PXDNL: variants seen among roughly 807,000 people sequenced by gnomAD.
PXDNL encodes peroxidasin like.
A neutral mutation model predicts 150.8 loss-of-function variants in PXDNL; 145 were observed. That is an observed-to-expected ratio of 0.96 (90% CI 0.84 to 1.10). PXDNL has a LOEUF of 1.10. PXDNL is among the 50% of genes least tolerant of loss of function. The pLI is 0.00. For synonymous variants in PXDNL, 757 were observed against 725.7 expected (o/e 1.04, Z -0.69); for missense variants, 2,087 against 1,873.9 (o/e 1.11, Z -2.10).
chr8:51,480,234 C>T (rs549265906), intron 6 of PXDNL, among the ~76,000 whole-genome samples: 55 of 152,082 alleles, frequency 3.6e-4, no homozygotes, highest in Non-Finnish European at 6.5e-4. Context: ...TCTTGCATTG[C>T]CATAAAGAAA....
At chr8:51,750,431 A>T (rs2037032174) in intron 1 of PXDNL, among the ~76,000 whole-genome samples, 1 of 152,202 alleles carries the variant, frequency 6.6e-6, no homozygotes, top group Non-Finnish European at 1.5e-5. Flanking sequence ...CATTTATACC[A>T]ACATCACCAC....
intron 1 of PXDNL, among the ~76,000 whole-genome samples, chr8:51,692,566 G>T (rs1218471219): frequency 2.0e-5 from 3 of 152,182 alleles, no homozygotes; most frequent in East Asian, 1.9e-4. Flanking sequence ...GAAATGAGAG[G>T]TTATGGGTGG....
chr8:51,411,277 C>T lies in PXDNL; in HGVS notation c.2035G>A (p.Gly679Arg), dbSNP rs1586084513. The change falls in exon 16 of 23, where the codon GGG (glycine) becomes AGG (arginine). Residue 679 changes from glycine (G) to arginine (R), a missense_variant. Coordinates refer to ENST00000356297, the MANE Select transcript of PXDNL (RefSeq NM_144651.5). ...LQLIRERVKQ[G>R]LTVDLEGKEF... The stretch of plus-strand genomic sequence containing the variant: ...TTGCCTTCCAAGTCCACAGTGAGCC[C>T]CTGCTTCACACGTTCCCGTATCAGC... 6.6e-7 allele frequency: 1 copy of T among 1,520,126 alleles called. No individual in the cohort carries two copies. The highest frequency in any genetic ancestry group is 8.8e-7 in the Non-Finnish European group (1 of 1,136,816). 94.2% of individuals were successfully genotyped at this position (1,520,126 alleles called of 1,614,324 possible). A position where few individuals can be genotyped will look rare whatever the true frequency, so the allele number is the denominator to read the frequency against.
chr8:51,364,733 C>T (rs1013750579), intron 19 of PXDNL, among the ~76,000 whole-genome samples: 3 of 152,128 alleles, frequency 2.0e-5, no homozygotes, highest in Admixed American at 6.5e-5. Flanking sequence ...TCTTAACCTA[C>T]ATCATAGGTT....
chr8:51,378,517 G>C (rs1010610496), intron 17 of PXDNL, among the ~76,000 whole-genome samples: 3 of 152,210 alleles, frequency 2.0e-5, no homozygotes, highest in African/African-American at 7.2e-5. Flanking sequence ...GGCCAGAAAA[G>C]GGTGAAAAAG....
At chr8:51,629,998 G>A (rs1292836838) in intron 2 of PXDNL, among the ~76,000 whole-genome samples, 1 of 151,554 alleles carries the variant, frequency 6.6e-6, no homozygotes, top group African/African-American at 2.4e-5. Context: ...GAAGCAAAAA[G>A]AATAAAACTG....
At chr8:51,604,144 A>T (rs564548418) in intron 2 of PXDNL, among the ~76,000 whole-genome samples, 2 of 152,340 alleles carry the variant, frequency 1.3e-5, no homozygotes, top group Non-Finnish European at 2.9e-5. Context: ...CCATCCCATT[A>T]CTGGGTATAT....
At chr8:51,699,423 G>A (rs1305707988) in intron 1 of PXDNL, among the ~76,000 whole-genome samples, 1 of 152,186 alleles carries the variant, frequency 6.6e-6, no homozygotes, top group Non-Finnish European at 1.5e-5. Flanking sequence ...AAGAGAGAGG[G>A]TGTGGGCCTT....
intron 1 of PXDNL, among the ~76,000 whole-genome samples, chr8:51,747,812 TAA>T (rs1322820455): frequency 6.6e-6 from 1 of 152,160 alleles, no homozygotes; most frequent in East Asian, 1.9e-4. Flanking sequence ...ATTGAAGCAA[TAA>T]AAGATTTGTT....
At chr8:51,583,288 G>A (rs911076973) in intron 3 of PXDNL, among the ~76,000 whole-genome samples, 4 of 152,094 alleles carry the variant, frequency 2.6e-5, no homozygotes, top group African/African-American at 7.2e-5. Flanking sequence ...AGGGCTACAG[G>A]AAGCTGACCA....
At chr8:51,354,910 C>T (rs1222594980) in intron 19 of PXDNL, among the ~76,000 whole-genome samples, 1 of 151,270 alleles carries the variant, frequency 6.6e-6, no homozygotes, top group Non-Finnish European at 1.5e-5. Context: ...TCATCTATAT[C>T]ACTGAACACT....
intron 4 of PXDNL, among the ~76,000 whole-genome samples, chr8:51,534,149 T>G (rs1216697624): frequency 1.5e-5 from 2 of 134,344 alleles, no homozygotes; most frequent in East Asian, 2.4e-4. Context: ...CTGTCTGGGA[T>G]GTGAGGAGCG....
At chr8:51,768,833 C>A (rs1420524663) in intron 1 of PXDNL, among the ~76,000 whole-genome samples, 4 of 152,196 alleles carry the variant, frequency 2.6e-5, no homozygotes, top group African/African-American at 7.2e-5. Context: ...TGGTGGCTTA[C>A]GCCTGTAATC....
intron 14 of PXDNL, among the ~76,000 whole-genome samples, chr8:51,421,680 C>T (rs957408421): frequency 1.3e-5 from 2 of 152,168 alleles, no homozygotes; most frequent in African/African-American, 4.8e-5. Flanking sequence ...GCCTGGGCAA[C>T]AGAGTGAGAC....
At chr8:51,322,138 C>A (rs10282900) in intron 21 of PXDNL, among the ~76,000 whole-genome samples, 6,511 of 152,212 alleles carry the variant, frequency 0.043, 462 homozygotes, top group African/African-American at 0.15. Flanking sequence ...TCCCTGCTGA[C>A]ACTTTGATCG....
intron 4 of PXDNL, among the ~76,000 whole-genome samples, chr8:51,532,493 ACAC>A (rs1811927280): frequency 6.6e-6 from 1 of 152,240 alleles, no homozygotes; most frequent in Non-Finnish European, 1.5e-5. Context: ...AGGATGCCTG[ACAC>A]CAGTGTGTGA....
At chr8:51,386,066 G>A (rs548351933) in intron 17 of PXDNL, among the ~76,000 whole-genome samples, 1 of 151,902 alleles carries the variant, frequency 6.6e-6, no homozygotes, top group East Asian at 1.9e-4. Context: ...TGGAATTCAA[G>A]ACATTTAACA....
intron 2 of PXDNL, among the ~76,000 whole-genome samples, chr8:51,615,489 T>C (rs1384613631): frequency 6.6e-6 from 1 of 152,186 alleles, no homozygotes; most frequent in African/African-American, 2.4e-5. Context: ...ATTAATTTTT[T>C]TAGCATTGTT....
chr8:51,751,029 TA>T (rs1292702368), intron 1 of PXDNL, among the ~76,000 whole-genome samples: 2 of 152,142 alleles, frequency 1.3e-5, no homozygotes, highest in African/African-American at 4.8e-5. Context: ...AAATGCCAGT[TA>T]TTTTTTTTTT....
Sources: allele counts gnomAD v4.1 joint callset (sites outside exome capture counted in the v4.1 genomes callset), GRCh38; gene constraint gnomAD v4.1.1; transcripts MANE v1.5; gene names NCBI Gene and HGNC (gene_info 2026-07-23, HGNC 2026-07-21).